Variants in TENM3 observed in about 807,000 individuals in gnomAD.
TENM3 encodes the protein teneurin-3.
A neutral mutation model predicts 255.1 loss-of-function variants in TENM3; 63 were observed. The observed-to-expected ratio is 0.25, with a 90% confidence interval of 0.20 to 0.30. The LOEUF is 0.30. Ranked by LOEUF, TENM3 falls within the 10% of genes least tolerant of loss-of-function variation. The pLI, the probability that TENM3 is intolerant of heterozygous loss-of-function variation, is 1.00. For missense variants in TENM3, 2,929 were observed against 3,461.1 expected, an observed-to-expected ratio of 0.85 and a Z score of 3.86; for synonymous variants, 1,306 against 1,322.3, an observed-to-expected ratio of 0.99 and a Z score of 0.27.
chr4:181,605,905 C>T, the TENM3 span, among the ~76,000 whole-genome samples: 1 of 152,164 alleles, frequency 6.6e-6, no homozygotes, highest in Non-Finnish European at 1.5e-5. Context: ...ATTTCCAACT[C>T]TGAGAGCATG....
chr4:182,417,646 G>T (rs989156397), intron 3 of TENM3, among the ~76,000 whole-genome samples: 16 of 152,132 alleles, frequency 1.1e-4, no homozygotes, highest in African/African-American at 3.6e-4. Flanking sequence ...AAAATTGTCA[G>T]ACTGGCATCC....
chr4:181,837,368 A>T, the TENM3 span, among the ~76,000 whole-genome samples: 86,742 of 152,026 alleles, frequency 0.57, 26,441 homozygotes, highest in East Asian at 0.74. Context: ...TTCCTAGTTT[A>T]TAAGAGTTTT....
At chr4:181,538,666 C>T in the TENM3 span, among the ~76,000 whole-genome samples, 22,761 of 152,144 alleles carry the variant, frequency 0.15, 1,972 homozygotes, top group Middle Eastern at 0.25. Context: ...CTGTGACCAG[C>T]ACACGGAGTA....
chr4:181,992,753 T>A, the TENM3 span, among the ~76,000 whole-genome samples: 1 of 152,086 alleles, frequency 6.6e-6, no homozygotes, highest in Non-Finnish European at 1.5e-5. Context: ...AAAGTTATCA[T>A]ACAAAAAAAT....
At chr4:181,655,221 A>G in the TENM3 span, among the ~76,000 whole-genome samples, 3 of 152,176 alleles carry the variant, frequency 2.0e-5, no homozygotes, top group Admixed American at 2.0e-4. Context: ...TAAAAATAAC[A>G]TGGTGTCCAA....
chr4:181,649,118 C>T, the TENM3 span, among the ~76,000 whole-genome samples: 1 of 152,170 alleles, frequency 6.6e-6, no homozygotes, highest in African/African-American at 2.4e-5. Flanking sequence ...TTTTTACCTG[C>T]CCCCACCTCC....
intron 19 of TENM3, among the ~76,000 whole-genome samples, chr4:182,745,355 A>C (rs375177771): frequency 1.4e-4 from 21 of 152,338 alleles, no homozygotes; most frequent in African/African-American, 4.6e-4. Flanking sequence ...TAGAAACCAC[A>C]ATAGAATTTC....
At chr4:181,721,188 T>A in the TENM3 span, among the ~76,000 whole-genome samples, 1 of 151,834 alleles carries the variant, frequency 6.6e-6, no homozygotes, top group Admixed American at 6.6e-5. Context: ...AAACTATCAT[T>A]CTGGAAGGCT....
At chr4:181,945,602 A>C in the TENM3 span, among the ~76,000 whole-genome samples, 9 of 151,942 alleles carry the variant, frequency 5.9e-5, no homozygotes, top group South Asian at 1.9e-3. Context: ...AGGTTGGGGC[A>C]CCTCCAACCT....
chr4:182,108,062 G>A, the TENM3 span, among the ~76,000 whole-genome samples: 2 of 152,120 alleles, frequency 1.3e-5, no homozygotes, highest in Admixed American at 6.5e-5. Flanking sequence ...AACTTTTCAC[G>A]GGCTCCGTTC....
chr4:181,897,831 T>G, the TENM3 span, among the ~76,000 whole-genome samples: 3 of 152,202 alleles, frequency 2.0e-5, no homozygotes, highest in African/African-American at 7.2e-5. Flanking sequence ...GATCAATAAA[T>G]TTATTCATTC....
chr4:181,701,348 A>C, the TENM3 span, among the ~76,000 whole-genome samples: 32 of 152,366 alleles, frequency 2.1e-4, no homozygotes, highest in East Asian at 2.3e-3. Flanking sequence ...AGGCAAACAG[A>C]TAAAAACATT....
At chr4:182,259,628 T>G (rs75241940) in intron 1 of TENM3, among the ~76,000 whole-genome samples, 3,395 of 152,280 alleles carry the variant, frequency 0.022, 73 homozygotes, top group South Asian at 0.031. Context: ...TAACATTTTT[T>G]TTATTGATAT....
rs539579329 is a variant in TENM3, at chr4:182,434,506, T to C, written c.511+87577T>C. On this transcript the variant is annotated intron_variant, in intron 3 of 27. Coordinates refer to ENST00000511685, the MANE Select transcript of TENM3 (RefSeq NM_001080477.4). ...GGTGAAACACCGTATCTACTAACAATGCAAAAATTAGCCGAGCGTGATGGT... is the reference window on the plus strand; with the variant it reads ...GGTGAAACACCGTATCTACTAACAACGCAAAAATTAGCCGAGCGTGATGGT... 1.2e-4 allele frequency among the ~76,000 whole-genome samples: 19 copies of C among 152,032 alleles called. No homozygotes were observed. The South Asian group carries it at 3.7e-3, about 30-fold the overall frequency.
chr4:181,960,888 C>T, the TENM3 span, among the ~76,000 whole-genome samples: 1 of 152,032 alleles, frequency 6.6e-6, no homozygotes, highest in South Asian at 2.1e-4. Flanking sequence ...GCGTCATCTC[C>T]CCAGCAACTC....
At chr4:182,044,775 T>G in the TENM3 span, among the ~76,000 whole-genome samples, 23 of 152,342 alleles carry the variant, frequency 1.5e-4, no homozygotes, top group East Asian at 4.4e-3. Flanking sequence ...ATAAAAATTC[T>G]TCTTTCTTTT....
the TENM3 span, among the ~76,000 whole-genome samples, chr4:181,774,939 T>G: frequency 7.4e-5 from 11 of 149,304 alleles, no homozygotes; most frequent in Non-Finnish European, 1.6e-4. Context: ...ATGAGTAGGT[T>G]GCGAAAATTT....
the TENM3 span, among the ~76,000 whole-genome samples, chr4:181,512,603 A>G: frequency 6.6e-6 from 1 of 152,086 alleles, no homozygotes; most frequent in Non-Finnish European, 1.5e-5. Context: ...TCTAAATCCC[A>G]CTTCGTCGCT....
chr4:181,689,975 A>C, the TENM3 span, among the ~76,000 whole-genome samples: 1 of 152,132 alleles, frequency 6.6e-6, no homozygotes, highest in Non-Finnish European at 1.5e-5. Context: ...ATGTGGATGG[A>C]GAGGTGATGC....
Sources: allele counts gnomAD v4.1 joint callset (sites outside exome capture counted in the v4.1 genomes callset), GRCh38; gene constraint gnomAD v4.1.1; transcripts MANE v1.5; gene names NCBI Gene and HGNC (gene_info 2026-07-23, HGNC 2026-07-21).